The following CELF1 variants were observed in gnomAD, a reference collection of about 807,000 sequenced individuals.
The protein encoded by CELF1 is CUGBP Elav-like family member 1.
In CELF1, 10 loss-of-function variants were observed where a neutral mutation model predicts 61.8. That is an observed-to-expected ratio of 0.16 (90% CI 0.10 to 0.27). The LOEUF (loss-of-function observed/expected upper bound fraction) is 0.27. CELF1 is among the 10% of genes least tolerant of loss of function. CELF1 has a pLI of 1.00. For missense variants in CELF1, 380 were observed against 639.1 expected, an observed-to-expected ratio of 0.59 and a Z score of 4.37; for synonymous variants, 236 against 225.1, an observed-to-expected ratio of 1.05 and a Z score of -0.43.
intron 1 of CELF1, among the ~76,000 whole-genome samples, chr11:47,521,551 T>C (rs1028854453): frequency 2.0e-5 from 3 of 152,276 alleles, no homozygotes; most frequent in African/African-American, 4.8e-5. Flanking sequence ...TAAATACCTC[T>C]GTTTCTTCAT....
At chr11:47,528,989 C>G (rs1043996110) in intron 1 of CELF1, among the ~76,000 whole-genome samples, 11 of 152,148 alleles carry the variant, frequency 7.2e-5, no homozygotes, top group African/African-American at 2.7e-4. Context: ...CAGCCTCAAC[C>G]TCCTGGGCTG....
chr11:47,527,559 A>G (rs2096290371), intron 1 of CELF1, among the ~76,000 whole-genome samples: 1 of 152,080 alleles, frequency 6.6e-6, no homozygotes, highest in Admixed American at 6.6e-5. Flanking sequence ...GTCTCTACAA[A>G]ACTTAAAAAA....
intron 1 of CELF1, among the ~76,000 whole-genome samples, chr11:47,518,434 T>C (rs1344641401): frequency 6.6e-6 from 1 of 152,238 alleles, no homozygotes; most frequent in Non-Finnish European, 1.5e-5. Context: ...AGATAATATG[T>C]CAAAACAAGT....
intron 1 of CELF1, among the ~76,000 whole-genome samples, chr11:47,505,309 A>G (rs2094388772): frequency 6.6e-6 from 1 of 151,280 alleles, no homozygotes; most frequent in African/African-American, 2.4e-5. Flanking sequence ...GTAAGTTTAC[A>G]CTTTATTTAA....
intron 1 of CELF1, among the ~76,000 whole-genome samples, chr11:47,516,345 T>C (rs1486929714): frequency 6.6e-6 from 1 of 152,168 alleles, no homozygotes; most frequent in African/African-American, 2.4e-5. Context: ...CAGATTTAGC[T>C]AGTATCACCA....
intron 2 of CELF1, among the ~76,000 whole-genome samples, chr11:47,560,341 G>C (rs2097221335): frequency 6.6e-6 from 1 of 152,154 alleles, no homozygotes; most frequent in Non-Finnish European, 1.5e-5. Flanking sequence ...CTGAACCCAG[G>C]AGGTGGAGGT....
At chr11:47,534,476 C>T (rs996402169) in intron 1 of CELF1, among the ~76,000 whole-genome samples, 2 of 151,980 alleles carry the variant, frequency 1.3e-5, no homozygotes, top group African/African-American at 4.8e-5. Context: ...CCTGTAATCC[C>T]AGCACTCTGG....
chr11:47,549,153 C>G (rs188728561), intron 1 of CELF1, among the ~76,000 whole-genome samples: 1 of 152,134 alleles, frequency 6.6e-6, no homozygotes, highest in Non-Finnish European at 1.5e-5. Context: ...TTGTGTACTA[C>G]TGGCAAGACT....
chr11:47,474,841 A>C (rs1460288505), intron 13 of CELF1, among the ~76,000 whole-genome samples: 1 of 152,194 alleles, frequency 6.6e-6, no homozygotes, highest in Non-Finnish European at 1.5e-5. Flanking sequence ...ATTTGTGTCA[A>C]ACGACATACT....
intron 1 of CELF1, among the ~76,000 whole-genome samples, chr11:47,527,549 G>A (rs1478366044): frequency 2.6e-5 from 4 of 151,960 alleles, no homozygotes; most frequent in Non-Finnish European, 5.9e-5. Flanking sequence ...CACAGACCCT[G>A]TCTCTACAAA....
At chr11:47,546,466 G>T (rs1327459140) in intron 1 of CELF1, among the ~76,000 whole-genome samples, 1 of 151,488 alleles carries the variant, frequency 6.6e-6, no homozygotes, top group African/African-American at 2.4e-5. Flanking sequence ...GGGTTTCTCA[G>T]ATGATCCGCC....
chr11:47,488,130 A>G (rs1228885974), intron 4 of CELF1, among the ~76,000 whole-genome samples: 1 of 152,210 alleles, frequency 6.6e-6, no homozygotes, highest in Non-Finnish European at 1.5e-5. Context: ...GCTTGCTTAC[A>G]TTTGCACTGT....
intron 1 of CELF1, among the ~76,000 whole-genome samples, chr11:47,514,692 C>CAA (rs34636337): frequency 0.38 from 40,233 of 105,876 alleles, 8,450 homozygotes; most frequent in Middle Eastern, 0.5. Flanking sequence ...CCTATCTCTA[C>CAA]AAAAAAAAAA....
chr11:47,466,122 T>G lies in CELF1; in HGVS notation c.*6108A>C, dbSNP rs1595911484. On this transcript the variant is annotated 3_prime_UTR_variant, in exon 15 of 15. Coordinates refer to ENST00000687097, the MANE Select transcript of CELF1 (RefSeq NM_001376376.1). The stretch of plus-strand genomic sequence containing the variant: ...AAACACATACTCCCTTGCTCCAAAC[T>G]TATAACAATTTTTTTTTCTTTTTAA... 6.6e-6 allele frequency: 1 copy of G among 151,848 alleles called. No homozygotes were observed. The highest frequency in any genetic ancestry group is 1.9e-4 in the East Asian group (1 of 5,192). 9.4% of individuals were successfully genotyped at this position (151,848 alleles called of 1,614,324 possible).
chr11:47,549,602 T>C (rs1392370248), intron 1 of CELF1, among the ~76,000 whole-genome samples: 1 of 152,138 alleles, frequency 6.6e-6, no homozygotes, highest in Non-Finnish European at 1.5e-5. Flanking sequence ...TCCACTTACA[T>C]GATGTTATCT....
At chr11:47,504,943 C>T (rs371849465) in intron 1 of CELF1, among the ~76,000 whole-genome samples, 2 of 149,470 alleles carry the variant, frequency 1.3e-5, no homozygotes, top group East Asian at 3.9e-4. Context: ...AATCTAAAAT[C>T]ACTGTACCAA....
At chr11:47,507,461 CAA>C (rs377607180) in intron 1 of CELF1, among the ~76,000 whole-genome samples, 4 of 139,184 alleles carry the variant, frequency 2.9e-5, no homozygotes, top group South Asian at 2.3e-4. Flanking sequence ...ACCACTGAAA[CAA>C]AAAAAAAAAT....
At chr11:47,477,212 T>C in intron 11 of CELF1, 85 bp downstream of exon 11, 1 of 1,465,178 alleles carries the variant, frequency 6.8e-7, no homozygotes, top group Non-Finnish European at 9.4e-7. Flanking sequence ...AGGTGTTAAC[T>C]ATTTTCCCTC....
intron 7 of CELF1, among the ~76,000 whole-genome samples, chr11:47,483,928 A>C (rs2153447268): frequency 2.0e-5 from 3 of 152,348 alleles, no homozygotes; most frequent in Middle Eastern, 3.4e-3. Flanking sequence ...TGATAGGAGG[A>C]GTCAAGACAG....
Sources: gnomAD v4.1 joint callset for allele counts (sites outside exome capture counted in the v4.1 genomes callset) on GRCh38, gnomAD v4.1.1 for gene constraint, MANE v1.5 for transcripts, NCBI Gene and HGNC (gene_info 2026-07-23, HGNC 2026-07-21) for gene names.